Variants in CACNG7 observed in about 807,000 individuals in gnomAD.
CACNG7 encodes voltage-dependent calcium channel gamma-7 subunit.
CACNG7 carries 9 observed loss-of-function variants against 26.3 expected under a neutral mutation model. The observed-to-expected ratio is 0.34, with a 90% CI of 0.21 to 0.60. The LOEUF (loss-of-function observed/expected upper bound fraction) is 0.60. Among genes scored for constraint, CACNG7 ranks in the 20% least tolerant of loss-of-function variants. CACNG7 has a pLI of 0.81. For synonymous variants in CACNG7, 170 were observed against 157.0 expected (o/e 1.08, Z -0.62); for missense variants, 297 against 380.4 (o/e 0.78, Z 1.82).
chr19:53,921,007 T>C (rs2068943714), intron 4 of CACNG7, among the ~76,000 whole-genome samples: 1 of 81,866 alleles, frequency 1.2e-5, no homozygotes. Flanking sequence ...GGCTGGTCAT[T>C]GGTGGAGTTG....
chr19:53,928,687 G>A (rs961169867), intron 4 of CACNG7, among the ~76,000 whole-genome samples: 21 of 152,188 alleles, frequency 1.4e-4, no homozygotes, highest in African/African-American at 4.6e-4. Flanking sequence ...AGCCTGGAAC[G>A]ACAGGCTGAC....
intron 4 of CACNG7, among the ~76,000 whole-genome samples, chr19:53,923,343 G>A (rs1305857088): frequency 4.5e-5 from 6 of 134,380 alleles, no homozygotes; most frequent in African/African-American, 1.8e-4. Flanking sequence ...CCCCAGGCCT[G>A]GTCATTGGTG....
chr19:53,934,830 A>T (rs2145917686), intron 4 of CACNG7, among the ~76,000 whole-genome samples: 1 of 152,200 alleles, frequency 6.6e-6, no homozygotes, highest in African/African-American at 2.4e-5. Flanking sequence ...GCATTTTGAA[A>T]AAAAAAAATC....
In CACNG7 at chr19:53,915,391, C is replaced by T. The variant is rs1178052028; in HGVS notation, c.310C>T (p.Pro104Ser). ...LKTVRTATPF[P>S]MVSLFLVFTA... ...GACAGTGCGCACGGCCACCCCCTTCCCCATGGTCAGCCTCTTCCTCGTGTT... is the reference window on the plus strand; with the variant it reads ...GACAGTGCGCACGGCCACCCCCTTCTCCATGGTCAGCCTCTTCCTCGTGTT... The change falls in exon 4 of 6, where the codon CCC (proline) becomes TCC (serine). Residue 104 changes from proline (P) to serine (S), a missense_variant. Pro to Ser is a moderately conservative substitution (Grantham distance 74, BLOSUM62 -1). Coordinates refer to ENST00000391767, the MANE Select transcript of CACNG7 (RefSeq NM_031896.5). 2.5e-6 allele frequency: 4 copies of T among 1,614,120 alleles called. No homozygotes were observed. The highest frequency in any genetic ancestry group is 3.4e-6 in the Non-Finnish European group (4 of 1,179,990).
At position 53,940,929 on chromosome 19, in the gene CACNG7, C is replaced by T. The variant is rs184545699; in HGVS notation, c.425-541C>T. ...AAAAAAAATTAGTCGGGAGTGGTGG[C>T]GGGCGCCTGTAATCCCAGCTACTTG... On this transcript the variant is annotated intron_variant, in intron 4 of 5. Transcript: ENST00000391767. This position sits in a 1 kb window ranked among gnomAD's most constrained non-coding sequence, Gnocchi z 4.1. 9.3e-3 allele frequency among the ~76,000 whole-genome samples: 1,413 copies of T among 151,854 alleles called. 9 individuals carry two copies. Among genetic ancestry groups the T allele is most frequent in the East Asian group, 0.016 (83 of 5,152 alleles).
At chr19:53,941,752 C>T in intron 5 of CACNG7, 137 bp downstream of exon 5, 3 of 1,136,874 alleles carry the variant, frequency 2.6e-6, no homozygotes, top group Non-Finnish European at 3.7e-6. Context: ...GAGGGTCTAA[C>T]CCCTGGGTCC....
In CACNG7 at chr19:53,939,839, T is replaced by C. The variant is rs2069126887; in HGVS notation, c.425-1631T>C. On this transcript the variant is annotated intron_variant, in intron 4 of 5. Transcript: ENST00000391767. This position sits in a 1 kb window ranked among gnomAD's most constrained non-coding sequence, Gnocchi z 4.2. ...TATGATAATTCTATCTTTAACTTTT[T>C]GAGGCGCTGCCAAATGAAATTCATA... Among the ~76,000 whole-genome samples, 1 of 152,226 alleles carries C rather than the reference T, an allele frequency of 6.6e-6. No individual in the cohort carries two copies. The highest frequency in any genetic ancestry group is 1.5e-5 in the Non-Finnish European group (1 of 68,038).
Position 53,942,001 on chromosome 19 carries a change from G to A in CACNG7, c.571-35G>A, listed in dbSNP as rs372354069. ...GTCGGGGTCCGGGGATGCGCAGGGG[G>A]GCGCCCCTGGGACTCTGACCTTGCC... On this transcript the variant is annotated intron_variant, in intron 5 of 5. Transcript: ENST00000391767. The surrounding 1 kb of genome is among the most constrained non-coding windows in gnomAD (Gnocchi z 5.9). 2 of 1,542,714 alleles carry A rather than the reference G, an allele frequency of 1.3e-6. No homozygotes were observed. The highest frequency in any genetic ancestry group is 1.8e-6 in the Non-Finnish European group (2 of 1,140,692).
intron 4 of CACNG7, among the ~76,000 whole-genome samples, chr19:53,926,497 C>T (rs781235466): frequency 8.5e-5 from 13 of 152,130 alleles, no homozygotes; most frequent in South Asian, 8.3e-4. Context: ...GACAACAGTA[C>T]CTAGTATTCC....
Position 53,942,608 on chromosome 19 carries a change from T to C in CACNG7, c.*315T>C. Reference sequence around the variant, plus strand: ...ATTAGCTCCTCCCTCGTTCTCCACCTGCTCTGAGCTGGGAGCAGCCAGAGG... The same window carrying C: ...ATTAGCTCCTCCCTCGTTCTCCACCCGCTCTGAGCTGGGAGCAGCCAGAGG... On this transcript the variant is annotated 3_prime_UTR_variant, in exon 6 of 6. Coordinates refer to ENST00000391767, the MANE Select transcript of CACNG7 (RefSeq NM_031896.5). This position sits in a 1 kb window ranked among gnomAD's most constrained non-coding sequence, Gnocchi z 5.9. The C allele has an allele frequency of 2.4e-6, 3 of 1,238,632 alleles. No homozygotes were observed. Among genetic ancestry groups the C allele is most frequent in the Non-Finnish European group, 3.1e-6 (3 of 982,316 alleles). 76.7% of individuals were successfully genotyped at this position (1,238,632 alleles called of 1,614,324 possible). A position where few individuals can be genotyped will look rare whatever the true frequency, so the allele number is the denominator to read the frequency against.
chr19:53,920,920 T>TCTGGTCATTTGTGGACTTGCCCCAGG (rs2068942282), intron 4 of CACNG7, among the ~76,000 whole-genome samples: 1 of 102,174 alleles, frequency 9.8e-6, no homozygotes, highest in African/African-American at 4.5e-5. Flanking sequence ...TGTCCCCAGG[T>TCTGGTCATTTGTGGACTTGCCCCAGG]CTGGTCATTG....
intron 4 of CACNG7, among the ~76,000 whole-genome samples, chr19:53,921,500 CCCCAGGTCTGGTATTGGTGGAG>C (rs2068951745): frequency 6.8e-6 from 1 of 146,466 alleles, no homozygotes; most frequent in African/African-American, 2.6e-5. Context: ...GGTGGAGTTG[CCCCAGGTCTGGTATTGGTGGAG>C]TTGCCCCAGG....
intron 4 of CACNG7, among the ~76,000 whole-genome samples, chr19:53,926,196 A>G (rs7257945): frequency 0.44 from 66,792 of 151,968 alleles, 16,570 homozygotes; most frequent in African/African-American, 0.67. Flanking sequence ...GATCCCCATT[A>G]CACTTAGAAT....
intron 4 of CACNG7, among the ~76,000 whole-genome samples, chr19:53,920,804 G>GT (rs1883673564): frequency 1.1e-5 from 1 of 92,198 alleles, no homozygotes; most frequent in Non-Finnish European, 2.0e-5. Flanking sequence ...TGGTGGACTT[G>GT]CCCCAGGCTG....
chr19:53,914,039 G>A (rs1270806074), intron 2 of CACNG7, among the ~76,000 whole-genome samples: 1 of 151,930 alleles, frequency 6.6e-6, no homozygotes, highest in Non-Finnish European at 1.5e-5. Flanking sequence ...ACTTTGGGGG[G>A]CCAAGGCAGG....
At chr19:53,915,280 GT>G (rs1362092244) in intron 3 of CACNG7, 84 bp from the exon 4 acceptor site, 61 of 1,008,130 alleles carry the variant, frequency 6.1e-5, no homozygotes, top group Non-Finnish European at 8.5e-5. Flanking sequence ...AAACGCAGAG[GT>G]GGTGAGAGCA....
intron 5 of CACNG7, 71 bp downstream of exon 5, chr19:53,941,686 C>T: frequency 6.5e-7 from 1 of 1,541,806 alleles, no homozygotes; most frequent in Non-Finnish European, 8.8e-7. Context: ...TTCCTGAGTC[C>T]AGGAGGAAGG....
At chr19:53,936,099 G>A (rs1418396293) in intron 4 of CACNG7, among the ~76,000 whole-genome samples, 1 of 149,270 alleles carries the variant, frequency 6.7e-6, no homozygotes, top group African/African-American at 2.5e-5. Context: ...ATGGAGCTCT[G>A]CTGCCTTTTT....
intron 4 of CACNG7, among the ~76,000 whole-genome samples, chr19:53,916,231 T>G (rs964401281): frequency 2.6e-5 from 4 of 151,560 alleles, no homozygotes; most frequent in African/African-American, 7.3e-5. Flanking sequence ...TTGTTTACAG[T>G]TTTTTTTTCC....
Sources: allele counts gnomAD v4.1 joint callset (sites outside exome capture counted in the v4.1 genomes callset), GRCh38; gene constraint gnomAD v4.1.1; non-coding constraint Gnocchi (gnomAD v3.1); transcripts MANE v1.5; gene names NCBI Gene and HGNC (gene_info 2026-07-23, HGNC 2026-07-21).